Variants in TCF7L2 observed in about 807,000 individuals in gnomAD.
The protein encoded by TCF7L2 is transcription factor 7-like 2.
Under a neutral mutation model 77.9 loss-of-function variants are expected in TCF7L2, and 23 were observed. The ratio of observed to expected loss-of-function variants is 0.30; its 90% CI spans 0.21 to 0.42. The LOEUF is 0.42. TCF7L2 is among the 10% of genes least tolerant of loss of function. The probability of loss-of-function intolerance (pLI) is 1.00; values close to 1 mark genes in which losing one functional copy is unlikely to be tolerated. For synonymous variants in TCF7L2, 413 were observed against 340.2 expected (o/e 1.21, Z -2.36); for missense variants, 654 against 793.1 (o/e 0.82, Z 2.11).
intron 5 of TCF7L2, 146 bp downstream of exon 5, chr10:113,040,272 C>T: frequency 1.5e-6 from 1 of 681,344 alleles, no homozygotes; most frequent in Non-Finnish European, 2.4e-6. Context: ...TAGTTTATAT[C>T]TATAAGGTAT....
intron 4 of TCF7L2, among the ~76,000 whole-genome samples, chr10:112,995,047 G>A (rs2043214686): frequency 6.6e-6 from 1 of 152,122 alleles, no homozygotes; most frequent in Non-Finnish European, 1.5e-5. Context: ...GTTGCAGTGA[G>A]CGGAGATCAT....
chr10:113,016,277 A>G (rs377182337), intron 4 of TCF7L2, among the ~76,000 whole-genome samples: 13 of 152,068 alleles, frequency 8.5e-5, no homozygotes, highest in African/African-American at 2.9e-4. Flanking sequence ...GTGTTGTCCA[A>G]GCTGGTCTCA....
At chr10:112,961,871 G>A (rs1262167873) in intron 3 of TCF7L2, among the ~76,000 whole-genome samples, 1 of 151,456 alleles carries the variant, frequency 6.6e-6, no homozygotes, top group Non-Finnish European at 1.5e-5. Context: ...ATGGGTGTCT[G>A]TGGGCGCTCG....
rs879671758 is a variant in TCF7L2 at position 112,989,361 on chromosome 10, TA to T, written c.450+24750del. Among the ~76,000 whole-genome samples, 507 of 135,252 alleles carry T rather than the reference TA, an allele frequency of 3.7e-3. 1 individual carries two copies. Among genetic ancestry groups the T allele is most frequent in the Middle Eastern group, 3.7e-3 (1 of 272 alleles). The allele number at this position is 135,252 out of a possible 152,430, so 88.7% of individuals were successfully genotyped here. A position where few individuals can be genotyped will look rare whatever the true frequency, so the allele number is the denominator to read the frequency against. On this transcript the variant is annotated intron_variant, in intron 4 of 13. Transcript: ENST00000627217. ...TGTCTCTGCCTCTGGAGTTCACCATTAAAAAAAAAAAAAGAAAAAAAGCCAA... is the reference window on the plus strand; with the variant it reads ...TGTCTCTGCCTCTGGAGTTCACCATTAAAAAAAAAAAAGAAAAAAAGCCAA...
intron 5 of TCF7L2, among the ~76,000 whole-genome samples, chr10:113,060,809 A>G (rs1405577535): frequency 6.6e-6 from 1 of 151,944 alleles, no homozygotes; most frequent in Non-Finnish European, 1.5e-5. Flanking sequence ...CAAGGAGAAG[A>G]CGCCGCCCAG....
At chr10:113,030,904 C>A (rs761839478) in intron 4 of TCF7L2, among the ~76,000 whole-genome samples, 29 of 152,168 alleles carry the variant, frequency 1.9e-4, no homozygotes, top group African/African-American at 6.8e-4. Flanking sequence ...AGGTCTGGGC[C>A]TCTTTTGGTC....
chr10:113,060,810 C>T (rs1347443060), intron 5 of TCF7L2, among the ~76,000 whole-genome samples: 3 of 151,952 alleles, frequency 2.0e-5, no homozygotes, highest in African/African-American at 2.4e-5. Context: ...AAGGAGAAGA[C>T]GCCGCCCAGA....
intron 5 of TCF7L2, among the ~76,000 whole-genome samples, chr10:113,040,957 G>A (rs1463005568): frequency 6.6e-6 from 1 of 152,194 alleles, no homozygotes; most frequent in Non-Finnish European, 1.5e-5. Flanking sequence ...ATTATGCAAA[G>A]CATGAATCAA....
chr10:113,107,753 A>G (rs1235923640), intron 5 of TCF7L2, among the ~76,000 whole-genome samples: 3 of 28,728 alleles, frequency 1.0e-4, no homozygotes, highest in African/African-American at 4.1e-4. Flanking sequence ...GACTCCGTCT[A>G]AAAAAAAAAA....
At chr10:112,979,781 A>T (rs1292293293) in intron 4 of TCF7L2, among the ~76,000 whole-genome samples, 1 of 151,832 alleles carries the variant, frequency 6.6e-6, no homozygotes, top group Non-Finnish European at 1.5e-5. Flanking sequence ...AAATAAAAAA[A>T]ATAAACGAAG....
chr10:112,972,158 C>T (rs1354658932), intron 4 of TCF7L2, among the ~76,000 whole-genome samples: 1 of 152,116 alleles, frequency 6.6e-6, no homozygotes, highest in Non-Finnish European at 1.5e-5. Context: ...CTGTCCCAGT[C>T]ATTTTCACTA....
intron 4 of TCF7L2, among the ~76,000 whole-genome samples, chr10:112,988,543 C>A (rs541304620): frequency 1.3e-5 from 2 of 152,138 alleles, no homozygotes; most frequent in South Asian, 4.1e-4. Context: ...GGAGATAGGC[C>A]GAGTGGGCCA....
intron 4 of TCF7L2, among the ~76,000 whole-genome samples, chr10:113,036,274 T>C (rs2051231732): frequency 6.6e-6 from 1 of 152,038 alleles, no homozygotes; most frequent in Admixed American, 6.6e-5. Flanking sequence ...TTCTTGCTGC[T>C]GATGGAAGAT....
intron 4 of TCF7L2, among the ~76,000 whole-genome samples, chr10:112,990,826 A>G (rs778388505): frequency 2.0e-5 from 3 of 152,230 alleles, no homozygotes; most frequent in Non-Finnish European, 4.4e-5. Flanking sequence ...TTCCGTACTC[A>G]TCTCAATGGG....
chr10:113,023,505 T>C (rs774900220), intron 4 of TCF7L2, among the ~76,000 whole-genome samples: 3 of 152,180 alleles, frequency 2.0e-5, no homozygotes, highest in African/African-American at 4.8e-5. Flanking sequence ...GGAGTCTCCC[T>C]CTGTCACCCA....
At chr10:113,127,866 C>CTTTT (rs34638595) in intron 5 of TCF7L2, among the ~76,000 whole-genome samples, 4 of 110,214 alleles carry the variant, frequency 3.6e-5, no homozygotes, top group Non-Finnish European at 3.6e-5. Flanking sequence ...TTGCTGCGTC[C>CTTTT]TTTTTTTTTT....
chr10:113,076,603 C>T (rs1358132106), intron 5 of TCF7L2, among the ~76,000 whole-genome samples: 2 of 152,160 alleles, frequency 1.3e-5, no homozygotes, highest in African/African-American at 4.8e-5. Context: ...CATCTATTGA[C>T]AGTACATCAG....
At chr10:113,028,554 A>AT (rs2049625647) in intron 4 of TCF7L2, among the ~76,000 whole-genome samples, 1 of 152,202 alleles carries the variant, frequency 6.6e-6, no homozygotes, top group Non-Finnish European at 1.5e-5. Flanking sequence ...GGGAAAAAAA[A>AT]CAAAAGGAAA....
At chr10:112,968,586 T>C (rs1340537775) in intron 4 of TCF7L2, among the ~76,000 whole-genome samples, 1 of 152,152 alleles carries the variant, frequency 6.6e-6, no homozygotes, top group Admixed American at 6.6e-5. Flanking sequence ...GTTTTCTTTT[T>C]CATTTTTTTT....
Sources: gnomAD v4.1 joint callset for allele counts (sites outside exome capture counted in the v4.1 genomes callset) on GRCh38, gnomAD v4.1.1 for gene constraint, MANE v1.5 for transcripts, NCBI Gene and HGNC (gene_info 2026-07-23, HGNC 2026-07-21) for gene names.